The following PDE12 variants were observed in gnomAD, a reference collection of about 807,000 sequenced individuals.
The protein encoded by PDE12 is 2',5'-phosphodiesterase 12.
In PDE12, 26 loss-of-function variants were observed where a neutral mutation model predicts 45.4. The ratio of observed to expected loss-of-function variants is 0.57; its 90% CI spans 0.42 to 0.79. PDE12 has a LOEUF of 0.79. Ranked by LOEUF, PDE12 falls within the 30% of genes least tolerant of loss-of-function variation. The pLI, the probability that PDE12 is intolerant of heterozygous loss-of-function variation, is 0.00. For missense variants in PDE12, 668 were observed against 790.0 expected (o/e 0.85, Z 1.85); for synonymous variants, 283 against 323.9 (o/e 0.87, Z 1.36).
the PDE12 span, among the ~76,000 whole-genome samples, chr3:57,643,850 G>A: frequency 1.3e-4 from 19 of 149,990 alleles, no homozygotes; most frequent in East Asian, 1.4e-3. Context: ...AAACTGTACA[G>A]AAATAATTAT....
At chr3:57,653,078 G>C in the PDE12 span, among the ~76,000 whole-genome samples, 1 of 152,302 alleles carries the variant, frequency 6.6e-6, no homozygotes, top group South Asian at 2.1e-4. Context: ...AGTATTAAGA[G>C]ATGACAGGGC....
chr3:57,628,760 A>T, the PDE12 span: 1 of 1,570,996 alleles, frequency 6.4e-7, no homozygotes, highest in Non-Finnish European at 8.7e-7. Flanking sequence ...ATGAGAGGAC[A>T]ATGTCTTCAA....
chr3:57,629,177 C>T, the PDE12 span, among the ~76,000 whole-genome samples: 1 of 152,280 alleles, frequency 6.6e-6, no homozygotes, highest in South Asian at 2.1e-4. Context: ...CAAACTGTAA[C>T]AGTAACCCCC....
At chr3:57,596,801 T>C in the PDE12 span, 1 of 427,192 alleles carries the variant, frequency 2.3e-6, no homozygotes, top group African/African-American at 2.1e-5. Context: ...CCCAATGTTG[T>C]CCAGCTTTCA....
At chr3:57,631,924 G>GT in the PDE12 span, among the ~76,000 whole-genome samples, 2 of 148,312 alleles carry the variant, frequency 1.3e-5, no homozygotes, top group Admixed American at 6.7e-5. Context: ...GGGTTTCACC[G>GT]TGTTAGCCAG....
the PDE12 span, among the ~76,000 whole-genome samples, chr3:57,612,688 T>A: frequency 4.0e-5 from 6 of 151,558 alleles, no homozygotes; most frequent in Non-Finnish European, 8.8e-5. Flanking sequence ...AGAGAATCAC[T>A]TGAACCGGGG....
chr3:57,609,921 G>C, the PDE12 span, among the ~76,000 whole-genome samples: 3 of 152,030 alleles, frequency 2.0e-5, no homozygotes, highest in African/African-American at 7.2e-5. Context: ...GGCTGGCAGA[G>C]ACACAACAAA....
chr3:57,607,015 C>T, the PDE12 span, among the ~76,000 whole-genome samples: 2 of 152,144 alleles, frequency 1.3e-5, no homozygotes, highest in Non-Finnish European at 1.5e-5. Context: ...CAGACTGACA[C>T]CCCACACAGC....
At chr3:57,608,712 A>G in the PDE12 span, among the ~76,000 whole-genome samples, 1 of 152,142 alleles carries the variant, frequency 6.6e-6, no homozygotes, top group Non-Finnish European at 1.5e-5. Flanking sequence ...TATGCACCCA[A>G]TACAGGAGCA....
Position 57,565,656 on chromosome 3 carries a change from G to C in PDE12, c.*5652G>C, listed in dbSNP as rs1161218639. The C allele has an allele frequency of 6.6e-6, 1 of 152,134 alleles. No individual in the cohort carries two copies. Among genetic ancestry groups the C allele is most frequent in the African/African-American group, 2.4e-5 (1 of 41,422 alleles). 9.4% of individuals were successfully genotyped at this position (152,134 alleles called of 1,614,324 possible). On this transcript the variant is annotated 3_prime_UTR_variant, in exon 3 of 3. Transcript: ENST00000311180. ...GTCTCTACTAAAAATACAAAAATTA[G>C]CTGGGCATGGTGGCGCGCGCCTGTA...
the PDE12 span, among the ~76,000 whole-genome samples, chr3:57,646,596 T>C: frequency 6.6e-6 from 1 of 152,238 alleles, no homozygotes; most frequent in African/African-American, 2.4e-5. Flanking sequence ...TGGTGATGTA[T>C]AGAGACATAA....
At chr3:57,656,488 C>A in the PDE12 span, among the ~76,000 whole-genome samples, 34 of 152,218 alleles carry the variant, frequency 2.2e-4, no homozygotes, top group Middle Eastern at 6.8e-3. Flanking sequence ...ACTATATAGA[C>A]ATTTGCATAC....
rs2069679502 is a variant in PDE12, at chr3:57,557,522, C to T, written c.1143C>T (p.Gly381=). The T allele has an allele frequency of 6.2e-7, 1 of 1,613,942 alleles. No homozygotes were observed. The highest frequency in any genetic ancestry group is 1.7e-5 in the Admixed American group (1 of 59,978). The stretch of plus-strand genomic sequence containing the variant: ...TGTTTCGAATCAAGCAGCACGAAGG[C>T]CTGGCCACTTTCTACCGAAAGTCTA... ...EGVFRIKQHE[G]LATFYRKSKF... is the part of the protein sequence containing the mutation. Residue 381 remains glycine, a synonymous_variant, in exon 1 of 3, where the codon GGC becomes GGT. Coordinates refer to ENST00000311180, the MANE Select transcript of PDE12 (RefSeq NM_177966.7).
At chr3:57,611,110 C>A in the PDE12 span, among the ~76,000 whole-genome samples, 1 of 152,066 alleles carries the variant, frequency 6.6e-6, no homozygotes. Context: ...TTTGACAAAC[C>A]TGACAAAAAC....
the PDE12 span, among the ~76,000 whole-genome samples, chr3:57,600,591 G>A: frequency 1.3e-5 from 2 of 151,800 alleles, no homozygotes; most frequent in Non-Finnish European, 2.9e-5. Context: ...TAGAGTTGGC[G>A]TTTTGTAGAG....
chr3:57,581,429 G>A, the PDE12 span, among the ~76,000 whole-genome samples: 1 of 152,178 alleles, frequency 6.6e-6, no homozygotes, highest in South Asian at 2.1e-4. Flanking sequence ...ACAAATCTAG[G>A]GATAAACCCA....
At chr3:57,594,903 A>G in the PDE12 span, among the ~76,000 whole-genome samples, 41 of 152,352 alleles carry the variant, frequency 2.7e-4, no homozygotes, top group South Asian at 6.2e-3. Context: ...GTTCATGCAC[A>G]TATCTCCCTC....
Position 57,559,885 on chromosome 3 carries a change from G to A in PDE12, c.1711G>A (p.Glu571Lys). ...DYIFIDLNAL[E>K]VEQVIPLPSH... The stretch of plus-strand genomic sequence containing the variant: ...CATTTTCATTGACTTAAATGCTTTA[G>A]AGGTTGAACAGGTGATTCCATTACC... Residue 571 changes from glutamate to lysine, a missense_variant, in exon 3 of 3, where the codon GAG becomes AAG. Glu to Lys is a moderately conservative substitution (Grantham distance 56). Around this residue, in one of 3 missense-constraint regions of PDE12, gnomAD observed 79 missense variants for 97.9 expected, o/e 0.81. Coordinates refer to ENST00000311180, the MANE Select transcript of PDE12 (RefSeq NM_177966.7). The A allele has an allele frequency of 1.2e-6, 2 of 1,614,122 alleles. No individual in the cohort carries two copies. The highest frequency in any genetic ancestry group is 2.7e-5 in the African/African-American group (2 of 75,046).
rs933414249 is a variant in PDE12, at chr3:57,561,116, T to C, written c.*1112T>C. ...AGTATTCAAAGTGAGTAGCAACATA[T>C]TCAACTTGATCCCATTGTCTTCAGT... On this transcript the variant is annotated 3_prime_UTR_variant, in exon 3 of 3. Coordinates refer to ENST00000311180, the MANE Select transcript of PDE12 (RefSeq NM_177966.7). 89 of 985,004 alleles carry C rather than the reference T, an allele frequency of 9.0e-5. No individual in the cohort carries two copies. The African/African-American group carries it at 1.5e-3, about 17-fold the overall frequency. The allele number at this position is 985,004 out of a possible 1,614,324, so 61.0% of individuals were successfully genotyped here.
Sources: gnomAD v4.1 joint callset for allele counts (sites outside exome capture counted in the v4.1 genomes callset) on GRCh38, gnomAD v4.1.1 for gene constraint, gnomAD v4.1.1 regional missense constraint, MANE v1.5 for transcripts, NCBI Gene and HGNC (gene_info 2026-07-23, HGNC 2026-07-21) for gene names.